Variants in JAZF1 observed in about 807,000 individuals in gnomAD.
JAZF1 encodes the protein JAZF zinc finger 1.
JAZF1 carries 8 observed loss-of-function variants against 26.4 expected under a neutral mutation model. The observed-to-expected ratio is 0.30, with a 90% confidence interval of 0.18 to 0.55. JAZF1 has a LOEUF of 0.55. Among genes scored for constraint, JAZF1 ranks in the 20% least tolerant of loss-of-function variants. JAZF1 has a pLI of 0.94. For missense variants in JAZF1, 199 were observed against 322.0 expected, an observed-to-expected ratio of 0.62 and a Z score of 2.92; for synonymous variants, 126 against 122.3, an observed-to-expected ratio of 1.03 and a Z score of -0.20.
At chr7:28,102,912 C>G (rs938823785) in intron 1 of JAZF1, among the ~76,000 whole-genome samples, 4 of 152,188 alleles carry the variant, frequency 2.6e-5, no homozygotes, top group African/African-American at 9.6e-5. Flanking sequence ...AAAGGTCAAG[C>G]ACAGCCAGAG....
intron 2 of JAZF1, among the ~76,000 whole-genome samples, chr7:27,931,263 T>A (rs1784684764): frequency 6.6e-6 from 1 of 152,212 alleles, no homozygotes; most frequent in African/African-American, 2.4e-5. Flanking sequence ...AATGAATATG[T>A]CTGTGTTTCA....
At position 28,120,581 on chromosome 7, in the gene JAZF1, C is replaced by G. The variant is rs536951905; in HGVS notation, c.115+59882G>C. ...GGAGTGCAATGGCGCGATCTTGGCTCACCACAACCTCCGCCTCCCGGGTTC... is the reference window on the plus strand; with the variant it reads ...GGAGTGCAATGGCGCGATCTTGGCTGACCACAACCTCCGCCTCCCGGGTTC... On this transcript the variant is annotated intron_variant, in intron 1 of 4. Transcript: ENST00000283928. 1.8e-4 allele frequency among the ~76,000 whole-genome samples: 23 copies of G among 129,900 alleles called. No homozygotes were observed. The South Asian group carries it at 5.5e-3, about 31-fold the overall frequency. 85.2% of individuals were successfully genotyped at this position (129,900 alleles called of 152,430 possible). A position where few individuals can be genotyped will look rare whatever the true frequency, so the allele number is the denominator to read the frequency against.
chr7:27,854,621 C>T (rs1783210741), intron 3 of JAZF1, among the ~76,000 whole-genome samples: 1 of 152,150 alleles, frequency 6.6e-6, no homozygotes, highest in Non-Finnish European at 1.5e-5. Context: ...TTCTCCTTTG[C>T]TTATGAAGCT....
chr7:27,942,386 C>T (rs1004138898), intron 2 of JAZF1, among the ~76,000 whole-genome samples: 1 of 152,232 alleles, frequency 6.6e-6, no homozygotes, highest in African/African-American at 2.4e-5. Context: ...GCAAAGACGA[C>T]TCTCTTCTCA....
chr7:27,842,677 T>C (rs1407922226), intron 3 of JAZF1: 1 of 152,192 alleles, frequency 6.6e-6, no homozygotes, highest in Non-Finnish European at 1.5e-5. Context: ...GGAGCAAATC[T>C]TGAAATCTGT....
chr7:28,062,028 G>A (rs939763904), intron 1 of JAZF1, among the ~76,000 whole-genome samples: 1 of 152,214 alleles, frequency 6.6e-6, no homozygotes, highest in African/African-American at 2.4e-5. Flanking sequence ...ATTTTTTACT[G>A]AGTACTTCAG....
At chr7:28,054,164 C>T (rs1233893566) in intron 1 of JAZF1, among the ~76,000 whole-genome samples, 3 of 152,188 alleles carry the variant, frequency 2.0e-5, no homozygotes, top group African/African-American at 7.2e-5. Context: ...CCTATATCTA[C>T]TTAAATATAC....
At chr7:28,000,633 T>C (rs1274611097) in intron 1 of JAZF1, among the ~76,000 whole-genome samples, 3 of 142,328 alleles carry the variant, frequency 2.1e-5, no homozygotes, top group Non-Finnish European at 4.6e-5. Context: ...TTTTTTTTTT[T>C]TTTTTTTGAG....
intron 1 of JAZF1, among the ~76,000 whole-genome samples, chr7:28,042,803 G>A (rs1783416242): frequency 6.6e-6 from 1 of 152,122 alleles, no homozygotes. Context: ...TTGTAGCCTA[G>A]AAGCAATAGG....
In JAZF1 at chr7:27,915,766, G is replaced by GGCA. The variant is rs887567480; in HGVS notation, c.189-20353_189-20351dup. On this transcript the variant is annotated intron_variant, in intron 2 of 4. Coordinates refer to ENST00000283928, the MANE Select transcript of JAZF1 (RefSeq NM_175061.4). ...TAATGAAAATCATCCCACTGAAAAG[G>GGCA]GCAGTAAATATATTGACTTTATTAT... 6.3e-4 allele frequency among the ~76,000 whole-genome samples: 96 copies of GGCA among 151,990 alleles called. 2 individuals carry two copies. The highest frequency in any genetic ancestry group is 2.2e-3 in the African/African-American group (93 of 41,428).
chr7:27,880,496 G>C (rs139977249), intron 3 of JAZF1, among the ~76,000 whole-genome samples: 30,119 of 151,618 alleles, frequency 0.2, 3,308 homozygotes, highest in East Asian at 0.47. Flanking sequence ...AGCCAGGCGC[G>C]GTGGCGGGTG....
At chr7:28,083,892 T>C (rs1260027129) in intron 1 of JAZF1, among the ~76,000 whole-genome samples, 1 of 151,940 alleles carries the variant, frequency 6.6e-6, no homozygotes, top group African/African-American at 2.4e-5. Flanking sequence ...GGCTGGAACA[T>C]CCAACAATTT....
At chr7:28,009,318 C>T (rs1354302757) in intron 1 of JAZF1, among the ~76,000 whole-genome samples, 1 of 151,876 alleles carries the variant, frequency 6.6e-6, no homozygotes, top group Admixed American at 6.6e-5. Context: ...CCCACACCTT[C>T]CTACTTTAGC....
At chr7:27,919,107 T>C (rs1158653282) in intron 2 of JAZF1, among the ~76,000 whole-genome samples, 5 of 152,160 alleles carry the variant, frequency 3.3e-5, no homozygotes, top group Non-Finnish European at 7.3e-5. Flanking sequence ...GAAACACAGG[T>C]CCTAGTAATG....
At chr7:28,068,239 T>A (rs1287419839) in intron 1 of JAZF1, among the ~76,000 whole-genome samples, 45 of 146,326 alleles carry the variant, frequency 3.1e-4, no homozygotes, top group Non-Finnish European at 6.2e-4. Context: ...TTTTTTTTCA[T>A]AAAGACAATT....
At chr7:27,883,034 T>C (rs1783798373) in intron 3 of JAZF1, among the ~76,000 whole-genome samples, 1 of 152,208 alleles carries the variant, frequency 6.6e-6, no homozygotes, top group Non-Finnish European at 1.5e-5. Flanking sequence ...CACTCATATT[T>C]CAGTTCTGGT....
chr7:27,897,194 G>T (rs984786349), intron 2 of JAZF1, among the ~76,000 whole-genome samples: 2 of 152,166 alleles, frequency 1.3e-5, no homozygotes, highest in Non-Finnish European at 2.9e-5. Flanking sequence ...ACAGGCTGCT[G>T]CTTCCAGGAA....
At position 27,884,390 on chromosome 7, in the gene JAZF1, G is replaced by A. The variant is rs140451550; in HGVS notation, c.385+10830C>T. Among the ~76,000 whole-genome samples the A allele has an allele frequency of 4.0e-3, 613 of 152,300 alleles. 3 individuals carry two copies. The highest frequency in any genetic ancestry group is 0.014 in the African/African-American group (579 of 41,564). On this transcript the variant is annotated intron_variant, in intron 3 of 4. Coordinates refer to ENST00000283928, the MANE Select transcript of JAZF1 (RefSeq NM_175061.4). ...ACTAATTCTCCCACCTCAGCCTCCC[G>A]TGCTGGGATAACAGGTGTGGGCCAC...
At chr7:28,177,181 G>A (rs1783561473) in intron 1 of JAZF1, among the ~76,000 whole-genome samples, 2 of 152,022 alleles carry the variant, frequency 1.3e-5, no homozygotes, top group South Asian at 2.1e-4. Flanking sequence ...ACTGAGACAG[G>A]TACTCCAGTA....
Sources: gnomAD v4.1 joint callset for allele counts (sites outside exome capture counted in the v4.1 genomes callset) on GRCh38, gnomAD v4.1.1 for gene constraint, MANE v1.5 for transcripts, NCBI Gene and HGNC (gene_info 2026-07-23, HGNC 2026-07-21) for gene names.